The following FMNL2 variants were observed in gnomAD, a reference collection of about 807,000 sequenced individuals.
The protein encoded by FMNL2 is formin like 2.
Under a neutral mutation model 130.2 loss-of-function variants are expected in FMNL2, and 51 were observed. The observed-to-expected ratio is 0.39, with a 90% CI of 0.31 to 0.49. The LOEUF is 0.49. Ranked by LOEUF, FMNL2 falls within the 20% of genes least tolerant of loss-of-function variation. FMNL2 has a pLI of 0.85. For synonymous variants in FMNL2, 465 were observed against 467.1 expected, an observed-to-expected ratio of 1.00 and a Z score of 0.06; for missense variants, 977 against 1,316.2, an observed-to-expected ratio of 0.74 and a Z score of 3.99.
chr2:152,639,840 A>AGT, intron 23 of FMNL2, 118 bp from the exon 24 acceptor site: 2 of 621,410 alleles, frequency 3.2e-6, no homozygotes, highest in Non-Finnish European at 4.7e-6. Flanking sequence ...AGATCTTCTC[A>AGT]ACCTTCCATT....
intron 1 of FMNL2, among the ~76,000 whole-genome samples, chr2:152,362,454 C>T (rs570411886): frequency 1.3e-5 from 2 of 152,166 alleles, no homozygotes; most frequent in South Asian, 4.2e-4. Context: ...TGGAGTAACC[C>T]CTGTAGAGGA....
intron 1 of FMNL2, among the ~76,000 whole-genome samples, chr2:152,335,921 C>T (rs1473866498): frequency 6.6e-6 from 1 of 151,714 alleles, no homozygotes; most frequent in Non-Finnish European, 1.5e-5. Flanking sequence ...CTCGGGGTCC[C>T]GGGATGGGGA....
At chr2:152,382,940 G>A (rs1684560495) in intron 1 of FMNL2, among the ~76,000 whole-genome samples, 1 of 152,206 alleles carries the variant, frequency 6.6e-6, no homozygotes, top group Non-Finnish European at 1.5e-5. Context: ...CAGTGACATT[G>A]TAGCTGCCTT....
chr2:152,626,518 A>G lies in FMNL2; in HGVS notation c.1963-7A>G, dbSNP rs1029209325. ...CAATTTTCCATGGTCATTCCTCTCT[A>G]TCTTAGGATTTAAATGTGGATGAAT... On this transcript the variant is annotated splice_region_variant and splice_polypyrimidine_tract_variant and intron_variant, in intron 16 of 25. Coordinates refer to ENST00000288670, the MANE Select transcript of FMNL2 (RefSeq NM_052905.4). 21 of 1,593,636 alleles carry G rather than the reference A, an allele frequency of 1.3e-5. No individual in the cohort carries two copies. Among genetic ancestry groups the G allele is most frequent in the East Asian group, 2.3e-5 (1 of 44,438 alleles).
chr2:152,639,393 A>G (rs1559032365), intron 23 of FMNL2, among the ~76,000 whole-genome samples: 1 of 152,230 alleles, frequency 6.6e-6, no homozygotes, highest in Admixed American at 6.5e-5. Flanking sequence ...GGCCGGCTTC[A>G]AAAGAAAGAG....
At chr2:152,555,525 A>G (rs1338474852) in intron 4 of FMNL2, among the ~76,000 whole-genome samples, 1 of 152,238 alleles carries the variant, frequency 6.6e-6, no homozygotes, top group Non-Finnish European at 1.5e-5. Flanking sequence ...ATAAGGTTCT[A>G]AGATTTGGGG....
chr2:152,432,282 T>C (rs1271770717), intron 1 of FMNL2, among the ~76,000 whole-genome samples: 2 of 152,174 alleles, frequency 1.3e-5, no homozygotes, highest in East Asian at 1.9e-4. Context: ...TGGCATTGCC[T>C]GTGTGGATTG....
intron 1 of FMNL2, among the ~76,000 whole-genome samples, chr2:152,371,071 A>G (rs1683847375): frequency 2.0e-5 from 3 of 152,240 alleles, no homozygotes; most frequent in African/African-American, 7.2e-5. Context: ...GAGTTTCTAC[A>G]GACTGCATGT....
Position 152,493,624 on chromosome 2 carries a change from TTAG to T in FMNL2, c.118-28317_118-28315del, listed in dbSNP as rs544654151. Among the ~76,000 whole-genome samples the T allele has an allele frequency of 4.3e-3, 657 of 152,266 alleles. 5 individuals carry two copies. The highest frequency in any genetic ancestry group is 6.3e-3 in the Non-Finnish European group (429 of 68,018). ...TGGTAATGAGTGAGTTCTAGCCCTA[TTAG>T]TTCATGCAAAATATGTTTGTTAAAA... On this transcript the variant is annotated intron_variant, in intron 1 of 25. Coordinates refer to ENST00000288670, the MANE Select transcript of FMNL2 (RefSeq NM_052905.4).
chr2:152,536,641 G>A (rs563348275), intron 2 of FMNL2, among the ~76,000 whole-genome samples: 2 of 152,318 alleles, frequency 1.3e-5, no homozygotes, highest in South Asian at 4.1e-4. Flanking sequence ...TGTTCAAGCA[G>A]TTTATGTAGC....
rs537388345 is a variant in FMNL2, at chr2:152,579,993, C to T, written c.783-963C>T. ...CATTTCTGATTTGGAAAATGCAACA[C>T]GAACTATCAAGTCCTCTTTACTGAA... On this transcript the variant is annotated intron_variant, in intron 8 of 25. Coordinates refer to ENST00000288670, the MANE Select transcript of FMNL2 (RefSeq NM_052905.4). Among the ~76,000 whole-genome samples, 20 of 152,338 alleles carry T rather than the reference C, an allele frequency of 1.3e-4. 1 individual carries two copies. The highest frequency in any genetic ancestry group is 1.0e-3 in the South Asian group (5 of 4,830).
chr2:152,463,503 A>G (rs1689361434), intron 1 of FMNL2, among the ~76,000 whole-genome samples: 1 of 152,088 alleles, frequency 6.6e-6, no homozygotes, highest in Admixed American at 6.6e-5. Context: ...CCTGAGTGCA[A>G]TTTGCCTTTA....
intron 1 of FMNL2, among the ~76,000 whole-genome samples, chr2:152,477,890 A>T (rs1271144115): frequency 3.3e-5 from 5 of 152,160 alleles, no homozygotes; most frequent in Non-Finnish European, 7.3e-5. Context: ...AGCAGCTGCT[A>T]AATTTAATGC....
intron 15 of FMNL2, among the ~76,000 whole-genome samples, chr2:152,624,466 C>T (rs1402423973): frequency 2.0e-5 from 3 of 151,868 alleles, no homozygotes; most frequent in Non-Finnish European, 4.4e-5. Flanking sequence ...CTTTTCCTTC[C>T]CCCCCGCCCC....
intron 9 of FMNL2, among the ~76,000 whole-genome samples, chr2:152,596,017 C>T (rs1305756963): frequency 6.7e-6 from 1 of 148,828 alleles, no homozygotes; most frequent in Non-Finnish European, 1.5e-5. Context: ...ATCTGGAGTG[C>T]AGTGGCACCA....
chr2:152,542,897 T>A, intron 3 of FMNL2, 78 bp downstream of exon 3: 2 of 1,481,878 alleles, frequency 1.3e-6, no homozygotes, highest in Non-Finnish European at 1.9e-6. Context: ...GAAGAGACCT[T>A]CCTTCCTCTG....
intron 1 of FMNL2, among the ~76,000 whole-genome samples, chr2:152,425,207 G>A (rs1026330953): frequency 2.0e-5 from 3 of 152,174 alleles, no homozygotes; most frequent in Non-Finnish European, 4.4e-5. Context: ...TTCGCATCCT[G>A]AAAATCCAAT....
chr2:152,527,261 A>AT (rs1337686907), intron 2 of FMNL2, among the ~76,000 whole-genome samples: 1 of 152,190 alleles, frequency 6.6e-6, no homozygotes, highest in African/African-American at 2.4e-5. Flanking sequence ...TGGTTGTCCC[A>AT]TCATTAAATA....
At chr2:152,568,910 G>T (rs1042178431) in intron 6 of FMNL2, among the ~76,000 whole-genome samples, 1 of 152,104 alleles carries the variant, frequency 6.6e-6, no homozygotes, top group African/African-American at 2.4e-5. Context: ...ATAAATCTCT[G>T]AGTAAATCCG....
Sources: gnomAD v4.1 joint callset for allele counts (sites outside exome capture counted in the v4.1 genomes callset) on GRCh38, gnomAD v4.1.1 for gene constraint, MANE v1.5 for transcripts, NCBI Gene and HGNC (gene_info 2026-07-23, HGNC 2026-07-21) for gene names.